Variants in SYT1 observed in about 807,000 individuals in gnomAD.
SYT1 encodes the protein synaptotagmin 1.
SYT1 carries 8 observed loss-of-function variants against 44.8 expected under a neutral mutation model. The observed-to-expected ratio is 0.18, with a 90% CI of 0.10 to 0.32. The LOEUF (loss-of-function observed/expected upper bound fraction) is 0.32, where lower values mean the gene tolerates loss of function less well. SYT1 is among the 10% of genes least tolerant of loss of function. SYT1 has a pLI of 1.00. For missense variants in SYT1, 286 were observed against 509.3 expected (o/e 0.56, Z 4.22); for synonymous variants, 154 against 188.8 (o/e 0.82, Z 1.51).
intron 4 of SYT1, among the ~76,000 whole-genome samples, chr12:79,274,586 C>T (rs1191268877): frequency 6.6e-6 from 1 of 152,196 alleles, no homozygotes; most frequent in Non-Finnish European, 1.5e-5. Flanking sequence ...GCTCACCCAA[C>T]CCCCACACAG....
chr12:79,073,220 G>A (rs983296312), intron 3 of SYT1, among the ~76,000 whole-genome samples: 3 of 152,006 alleles, frequency 2.0e-5, no homozygotes, highest in Admixed American at 1.3e-4. Flanking sequence ...TCCCACCTCA[G>A]CCTCCCTAGT....
chr12:78,905,636 A>G (rs1394097407), intron 1 of SYT1, among the ~76,000 whole-genome samples: 1 of 152,032 alleles, frequency 6.6e-6, no homozygotes. Flanking sequence ...AATATATTGG[A>G]TTTTGATTTT....
chr12:79,149,762 C>T (rs1265591139), intron 3 of SYT1, among the ~76,000 whole-genome samples: 2 of 152,086 alleles, frequency 1.3e-5, no homozygotes, highest in Admixed American at 1.3e-4. Context: ...ACTGAACTTC[C>T]CCTGTTAAAA....
chr12:79,438,381 G>A (rs918351431), intron 9 of SYT1, among the ~76,000 whole-genome samples: 2 of 152,210 alleles, frequency 1.3e-5, no homozygotes, highest in Non-Finnish European at 2.9e-5. Context: ...CCTAGAGCTA[G>A]ATATTGGAGC....
intron 4 of SYT1, among the ~76,000 whole-genome samples, chr12:79,226,235 G>A (rs1918188): frequency 0.72 from 109,709 of 152,036 alleles, 40,265 homozygotes; most frequent in African/African-American, 0.82. Context: ...TGTCATAAAC[G>A]TTGAAAATGT....
intron 1 of SYT1, among the ~76,000 whole-genome samples, chr12:78,932,730 C>G (rs928565158): frequency 2.0e-5 from 3 of 152,114 alleles, no homozygotes; most frequent in African/African-American, 7.2e-5. Context: ...TTCGAGAACT[C>G]ATTTAACTCT....
At chr12:79,349,033 A>AAGAAAGAAAGAAAGAAAGAAAGAG (rs1367804411) in intron 8 of SYT1, among the ~76,000 whole-genome samples, 138 of 120,278 alleles carry the variant, frequency 1.1e-3, no homozygotes, top group Middle Eastern at 4.2e-3. Context: ...GAAAGAAAGA[A>AAGAAAGAAAGAAAGAAAGAAAGAG]AAAGAAAGAA....
chr12:79,360,047 A>G (rs1445004896), intron 9 of SYT1, among the ~76,000 whole-genome samples: 1 of 152,182 alleles, frequency 6.6e-6, no homozygotes, highest in Non-Finnish European at 1.5e-5. Context: ...GAACCTGGAA[A>G]TTGCCTTTTA....
intron 9 of SYT1, among the ~76,000 whole-genome samples, chr12:79,366,096 T>C (rs1883532033): frequency 6.6e-6 from 1 of 152,206 alleles, no homozygotes; most frequent in South Asian, 2.1e-4. Flanking sequence ...AGTTGCCAAT[T>C]CGTGTATCTA....
chr12:79,109,583 T>G (rs938871751), intron 3 of SYT1, among the ~76,000 whole-genome samples: 37 of 152,304 alleles, frequency 2.4e-4, no homozygotes, highest in African/African-American at 8.7e-4. Flanking sequence ...ACCCAAATGA[T>G]GTACTATATG....
At chr12:79,150,210 TAGTCTCC>T (rs1457375576) in intron 3 of SYT1, among the ~76,000 whole-genome samples, 1 of 152,158 alleles carries the variant, frequency 6.6e-6, no homozygotes, top group Non-Finnish European at 1.5e-5. Context: ...TTACTAACTG[TAGTCTCC>T]AACAGATGAA....
chr12:79,038,829 A>G (rs1021814630), intron 2 of SYT1, among the ~76,000 whole-genome samples: 1 of 152,020 alleles, frequency 6.6e-6, no homozygotes, highest in Admixed American at 6.6e-5. Flanking sequence ...CTAAATAAAT[A>G]TTTAGCTCAG....
chr12:79,170,663 G>A (rs1297785625), intron 3 of SYT1, among the ~76,000 whole-genome samples: 2 of 152,030 alleles, frequency 1.3e-5, no homozygotes, highest in East Asian at 3.9e-4. Context: ...TGTTTACTCT[G>A]TTGATAGTTT....
At chr12:79,157,214 G>T (rs746786503) in intron 3 of SYT1, among the ~76,000 whole-genome samples, 1 of 152,136 alleles carries the variant, frequency 6.6e-6, no homozygotes, top group Non-Finnish European at 1.5e-5. Flanking sequence ...ACTGCTTGCC[G>T]TTTATTGCAA....
intron 1 of SYT1, among the ~76,000 whole-genome samples, chr12:78,930,705 T>G (rs530871773): frequency 7.9e-5 from 12 of 151,588 alleles, no homozygotes; most frequent in Non-Finnish European, 1.3e-4. Flanking sequence ...CATAACCAAG[T>G]GTTGCAAGCA....
intron 9 of SYT1, among the ~76,000 whole-genome samples, chr12:79,377,995 A>G (rs1248671565): frequency 6.6e-6 from 1 of 152,166 alleles, no homozygotes; most frequent in Non-Finnish European, 1.5e-5. Flanking sequence ...AATTTCTCAT[A>G]TTTATCACTC....
chr12:79,022,975 A>C (rs907153362), intron 2 of SYT1, among the ~76,000 whole-genome samples: 79 of 151,954 alleles, frequency 5.2e-4, no homozygotes, highest in African/African-American at 1.9e-3. Context: ...TTTTTTATTT[A>C]ACTTATCCTA....
At chr12:78,916,067 A>G (rs1876633536) in intron 1 of SYT1, among the ~76,000 whole-genome samples, 1 of 152,060 alleles carries the variant, frequency 6.6e-6, no homozygotes, top group Non-Finnish European at 1.5e-5. Context: ...TAAATGGTAG[A>G]ACATGCCAAA....
intron 3 of SYT1, among the ~76,000 whole-genome samples, chr12:79,126,292 C>T (rs553788129): frequency 3.9e-5 from 6 of 152,328 alleles, no homozygotes; most frequent in Admixed American, 1.3e-4. Context: ...GACGGAGTCT[C>T]GCTCTGTTGC....
Sources: gnomAD v4.1 joint callset for allele counts (sites outside exome capture counted in the v4.1 genomes callset) on GRCh38, gnomAD v4.1.1 for gene constraint, MANE v1.5 for transcripts, NCBI Gene and HGNC (gene_info 2026-07-23, HGNC 2026-07-21) for gene names.